The following SPATA13 variants were observed in gnomAD, a reference collection of about 807,000 sequenced individuals.
SPATA13 encodes spermatogenesis associated 13, also known as spermatogenesis-associated protein 13.
SPATA13 carries 50 observed loss-of-function variants against 104.0 expected under a neutral mutation model. That is an observed-to-expected ratio of 0.48 (90% CI 0.38 to 0.61). The LOEUF (loss-of-function observed/expected upper bound fraction) is 0.61. Ranked by LOEUF, SPATA13 falls within the 20% of genes least tolerant of loss-of-function variation. The pLI is 0.00. For synonymous variants in SPATA13, 606 were observed against 667.5 expected, an observed-to-expected ratio of 0.91 and a Z score of 1.42; for missense variants, 1,524 against 1,690.6, an observed-to-expected ratio of 0.90 and a Z score of 1.73.
chr13:24,173,270 G>C (rs1883060979), intron 1 of SPATA13, among the ~76,000 whole-genome samples: 1 of 151,862 alleles, frequency 6.6e-6, no homozygotes, highest in Admixed American at 6.6e-5. Flanking sequence ...GTAGAGATGG[G>C]GTTTTGCCAT....
chr13:24,144,252 T>C (rs1000223499), intron 3 of SPATA13, among the ~76,000 whole-genome samples: 5 of 152,086 alleles, frequency 3.3e-5, no homozygotes, highest in African/African-American at 9.7e-5. Context: ...TGTGATCCAC[T>C]CTCCCACATG....
chr13:24,249,908 T>C, intron 3 of SPATA13, 66 bp downstream of exon 3: 2 of 1,518,232 alleles, frequency 1.3e-6, no homozygotes, highest in Admixed American at 4.4e-5. Flanking sequence ...CTATTCTGTC[T>C]GCACACTAAA....
chr13:24,270,807 T>G, intron 4 of SPATA13: 1 of 1,612,414 alleles, frequency 6.2e-7, no homozygotes, highest in Non-Finnish European at 8.5e-7. Context: ...GACCGGCTCC[T>G]CGGTCACACC....
intron 3 of SPATA13, among the ~76,000 whole-genome samples, chr13:24,109,098 A>G (rs965916728): frequency 9.9e-5 from 15 of 152,020 alleles, no homozygotes; most frequent in African/African-American, 3.6e-4. Context: ...TCCTAATGCT[A>G]TCCCTCTCCT....
chr13:24,167,065 T>G (rs1276222959), intron 1 of SPATA13, among the ~76,000 whole-genome samples: 2 of 152,210 alleles, frequency 1.3e-5, no homozygotes, highest in Admixed American at 1.3e-4. Flanking sequence ...ATGTTATGAT[T>G]GGTTTGGGGT....
At chr13:24,015,047 C>T (rs554334934) in intron 2 of SPATA13, among the ~76,000 whole-genome samples, 70 of 152,060 alleles carry the variant, frequency 4.6e-4, no homozygotes, top group Non-Finnish European at 6.2e-4. Flanking sequence ...CCCGCCACCA[C>T]GCCTGGCTAA....
At chr13:24,084,217 G>T (rs9805786) in intron 3 of SPATA13, among the ~76,000 whole-genome samples, 95,989 of 151,954 alleles carry the variant, frequency 0.63, 30,788 homozygotes, top group African/African-American at 0.75. Context: ...AATGCGTTGG[G>T]GAGATGTGGG....
intron 2 of SPATA13, among the ~76,000 whole-genome samples, chr13:24,005,975 CT>C (rs1348554830): frequency 3.3e-5 from 5 of 152,218 alleles, no homozygotes; most frequent in Non-Finnish European, 7.3e-5. Flanking sequence ...CACAATTGCT[CT>C]GTTTGGACCC....
chr13:24,019,072 A>ATTC (rs200594444), intron 3 of SPATA13, among the ~76,000 whole-genome samples: 1,460 of 136,692 alleles, frequency 0.011, 19 homozygotes, highest in African/African-American at 0.032. Flanking sequence ...AAGTTATATG[A>ATTC]TTCTTATTAT....
chr13:24,244,206 T>C (rs1399039497), intron 2 of SPATA13, among the ~76,000 whole-genome samples: 1 of 152,220 alleles, frequency 6.6e-6, no homozygotes, highest in African/African-American at 2.4e-5. Context: ...TCCCTCTGCA[T>C]CATAAGGACA....
At chr13:24,013,470 A>T (rs1374873711) in intron 2 of SPATA13, among the ~76,000 whole-genome samples, 1 of 152,126 alleles carries the variant, frequency 6.6e-6, no homozygotes, top group Non-Finnish European at 1.5e-5. Flanking sequence ...CTGCTTGGGG[A>T]CAGTGCCCAG....
intron 4 of SPATA13, among the ~76,000 whole-genome samples, chr13:24,268,554 T>C (rs1874399188): frequency 1.3e-5 from 2 of 151,742 alleles, no homozygotes; most frequent in Non-Finnish European, 1.5e-5. Flanking sequence ...AGGTCAGGAG[T>C]TTGAGACCAG....
At chr13:24,053,645 C>T (rs980158305) in intron 3 of SPATA13, among the ~76,000 whole-genome samples, 28 of 152,056 alleles carry the variant, frequency 1.8e-4, no homozygotes, top group African/African-American at 6.5e-4. Flanking sequence ...TGGGGCTGAG[C>T]TGTCTAAGAC....
intron 2 of SPATA13, among the ~76,000 whole-genome samples, chr13:24,246,837 T>TG (rs1344115481): frequency 1.3e-5 from 2 of 151,816 alleles, no homozygotes; most frequent in South Asian, 2.1e-4. Context: ...CACTCCAGCC[T>TG]GGTGACAGAG....
intron 3 of SPATA13, among the ~76,000 whole-genome samples, chr13:24,061,309 G>A (rs77468967): frequency 6.6e-5 from 10 of 152,082 alleles, no homozygotes; most frequent in Non-Finnish European, 1.2e-4. Flanking sequence ...AAGTAATGTA[G>A]CAATTCTTCA....
At chr13:24,004,763 G>A (rs1876146262) in intron 2 of SPATA13, among the ~76,000 whole-genome samples, 1 of 152,178 alleles carries the variant, frequency 6.6e-6, no homozygotes, top group Non-Finnish European at 1.5e-5. Context: ...CGTGAAAGCT[G>A]TGGGAGAGTC....
chr13:24,280,281 A>G (rs1488353935), intron 4 of SPATA13, among the ~76,000 whole-genome samples: 3 of 152,220 alleles, frequency 2.0e-5, no homozygotes, highest in African/African-American at 2.4e-5. Flanking sequence ...GTAAAGGTCT[A>G]ACTTTTCAAT....
chr13:24,114,718 A>G (rs1880777802), intron 3 of SPATA13, among the ~76,000 whole-genome samples: 1 of 151,956 alleles, frequency 6.6e-6, no homozygotes, highest in African/African-American at 2.4e-5. Flanking sequence ...GCTGGAGTGC[A>G]ATGGCACGAT....
chr13:24,021,705 T>G (rs540879516), intron 3 of SPATA13, among the ~76,000 whole-genome samples: 1 of 151,140 alleles, frequency 6.6e-6, no homozygotes, highest in South Asian at 2.1e-4. Flanking sequence ...CTGTGAAGGT[T>G]GTTGGAAAAT....
Sources: gnomAD v4.1 joint callset for allele counts (sites outside exome capture counted in the v4.1 genomes callset) on GRCh38, gnomAD v4.1.1 for gene constraint, MANE v1.5 for transcripts, NCBI Gene and HGNC (gene_info 2026-07-23, HGNC 2026-07-21) for gene names.